Variants in TRIM2 observed in about 807,000 individuals in gnomAD.
The protein encoded by TRIM2 is tripartite motif-containing protein 2.
In TRIM2, 20 loss-of-function variants were observed where a neutral mutation model predicts 75.2. That is an observed-to-expected ratio of 0.27 (90% CI 0.19 to 0.39). The LOEUF is 0.39. TRIM2 is among the 10% of genes least tolerant of loss of function. TRIM2 has a pLI of 1.00. For missense variants in TRIM2, 660 were observed against 990.8 expected (o/e 0.67, Z 4.48); for synonymous variants, 373 against 388.3 (o/e 0.96, Z 0.46).
intron 9 of TRIM2, among the ~76,000 whole-genome samples, 153 bp downstream of exon 9, chr4:153,322,969 C>T (rs551467530): frequency 5.9e-5 from 9 of 152,280 alleles, no homozygotes; most frequent in African/African-American, 1.4e-4. Flanking sequence ...AAGCATGTTT[C>T]GTTGCTTGAG....
intron 1 of TRIM2, among the ~76,000 whole-genome samples, chr4:153,221,987 G>GAAA (rs1273775450): frequency 2.5e-4 from 26 of 102,286 alleles, no homozygotes; most frequent in African/African-American, 3.7e-4. Context: ...AGGAAGGAAG[G>GAAA]GAGAGAGGAA....
chr4:153,296,587 A>C (rs1274812268), intron 6 of TRIM2, among the ~76,000 whole-genome samples: 1 of 152,148 alleles, frequency 6.6e-6, no homozygotes, highest in African/African-American at 2.4e-5. Context: ...GAGCAGCCCC[A>C]AGGAGAGGAG....
chr4:153,195,627 C>T (rs905166670), intron 1 of TRIM2, among the ~76,000 whole-genome samples: 1 of 152,194 alleles, frequency 6.6e-6, no homozygotes, highest in Non-Finnish European at 1.5e-5. Context: ...GTTTTAAGCT[C>T]ATAGTAATAT....
upstream of TRIM2, chr4:153,152,418 A>ATATATATACACATATATATGTG (rs1163137372): frequency 6.8e-6 from 1 of 146,948 alleles, no homozygotes; most frequent in Non-Finnish European, 1.5e-5. Context: ...GTATATATAT[A>ATATATATACACATATATATGTG]TATATATATA....
In TRIM2 at chr4:153,338,931, G is replaced by A. The variant is rs1192786448; in HGVS notation, c.*3965G>A. The A allele has an allele frequency of 2.0e-6, 2 of 983,528 alleles. No individual in the cohort carries two copies. Among genetic ancestry groups the A allele is most frequent in the Admixed American group, 1.2e-4 (2 of 16,128 alleles). The allele number at this position is 983,528 out of a possible 1,614,324, so 60.9% of individuals were successfully genotyped here. On this transcript the variant is annotated 3_prime_UTR_variant, in exon 12 of 12. Coordinates refer to ENST00000338700, the MANE Select transcript of TRIM2 (RefSeq NM_015271.5). ...CGTTCTCAATTCTATAGACTTTCAA[G>A]CCTATGTATGAATATGAAGGGGTTT... is the stretch of plus-strand genomic sequence containing the variant.
intron 1 of TRIM2, among the ~76,000 whole-genome samples, chr4:153,175,569 G>T (rs1731349677): frequency 6.6e-6 from 1 of 152,188 alleles, no homozygotes; most frequent in African/African-American, 2.4e-5. Context: ...TGAATAGCAG[G>T]AGGAAGGCGG....
intron 1 of TRIM2, among the ~76,000 whole-genome samples, chr4:153,247,830 C>A (rs969631228): frequency 3.9e-5 from 6 of 151,964 alleles, no homozygotes; most frequent in Admixed American, 3.9e-4. Flanking sequence ...CCCAAAAAAA[C>A]CCCACAAATG....
intron 6 of TRIM2, among the ~76,000 whole-genome samples, chr4:153,309,013 T>C (rs182125094): frequency 3.2e-4 from 48 of 152,172 alleles, no homozygotes; most frequent in Admixed American, 1.0e-3. Flanking sequence ...GCAACTAATA[T>C]TGACTAAGTG....
chr4:153,245,042 CCT>C (rs1748753711), intron 1 of TRIM2, among the ~76,000 whole-genome samples: 1 of 152,120 alleles, frequency 6.6e-6, no homozygotes. Context: ...GGCTTGTGAC[CCT>C]CTGAGATGGT....
rs536792745 is a variant in TRIM2, at chr4:153,337,911, C to G, written c.*2945C>G. On this transcript the variant is annotated 3_prime_UTR_variant, in exon 12 of 12. Transcript: ENST00000338700. ...CTCCCAGTACAGACCCCCCAGCCCC[C>G]CTTGCTGGACATGGGGAGGCAGAGA... 4.1e-6 allele frequency: 4 copies of G among 985,770 alleles called. No individual in the cohort carries two copies. The highest frequency in any genetic ancestry group is 1.2e-6 in the Non-Finnish European group (1 of 829,908). 61.1% of individuals were successfully genotyped at this position (985,770 alleles called of 1,614,324 possible).
intron 1 of TRIM2, among the ~76,000 whole-genome samples, chr4:153,171,840 C>CTTTTTTTTTTTT (rs398064151): frequency 4.4e-5 from 5 of 114,784 alleles, no homozygotes; most frequent in Non-Finnish European, 5.3e-5. Flanking sequence ...CGTTTTGGGG[C>CTTTTTTTTTTTT]TTTTTTTTTT....
At chr4:153,322,191 C>G (rs1394742750) in intron 8 of TRIM2, among the ~76,000 whole-genome samples, 1 of 151,840 alleles carries the variant, frequency 6.6e-6, no homozygotes, top group Non-Finnish European at 1.5e-5. Context: ...GGGTGGATCA[C>G]AAGGTCAGGA....
intron 1 of TRIM2, among the ~76,000 whole-genome samples, chr4:153,155,740 T>C (rs927660530): frequency 1.3e-5 from 2 of 152,170 alleles, no homozygotes; most frequent in Admixed American, 1.3e-4. Flanking sequence ...TAAAAACTCC[T>C]CTGAACCTGG....
chr4:153,302,981 G>A (rs528469696), intron 6 of TRIM2, among the ~76,000 whole-genome samples: 3 of 152,220 alleles, frequency 2.0e-5, no homozygotes, highest in South Asian at 2.1e-4. Flanking sequence ...TCTCACCACC[G>A]TCATGCTCGT....
chr4:153,313,660 T>A (rs976042673), intron 6 of TRIM2, among the ~76,000 whole-genome samples: 9 of 134,024 alleles, frequency 6.7e-5, no homozygotes, highest in Middle Eastern at 8.3e-3. Context: ...TGAGACAGAG[T>A]CTTGCTCTGT....
chr4:153,205,351 C>A (rs932936456), intron 1 of TRIM2, among the ~76,000 whole-genome samples: 1 of 152,120 alleles, frequency 6.6e-6, no homozygotes, highest in African/African-American at 2.4e-5. Context: ...CCTGCTTTAT[C>A]TCTTGGCTGG....
chr4:153,213,307 T>C (rs73854604), intron 1 of TRIM2, among the ~76,000 whole-genome samples: 1,610 of 152,350 alleles, frequency 0.011, 13 homozygotes, highest in African/African-American at 0.029. Flanking sequence ...TTCTTTTGCA[T>C]GAATGTGCAA....
At chr4:153,317,155 C>T (rs1767837799) in intron 8 of TRIM2, among the ~76,000 whole-genome samples, 1 of 150,338 alleles carries the variant, frequency 6.7e-6, no homozygotes, top group South Asian at 2.1e-4. Context: ...GCTGGGATTA[C>T]AGGCGTGAGC....
chr4:153,209,560 A>G (rs573759477), intron 1 of TRIM2, among the ~76,000 whole-genome samples: 6 of 152,192 alleles, frequency 3.9e-5, no homozygotes, highest in Non-Finnish European at 7.3e-5. Flanking sequence ...CTGTGCCTTC[A>G]AGTACCGTAC....
Sources: gnomAD v4.1 joint callset for allele counts (sites outside exome capture counted in the v4.1 genomes callset) on GRCh38, gnomAD v4.1.1 for gene constraint, MANE v1.5 for transcripts, NCBI Gene and HGNC (gene_info 2026-07-23, HGNC 2026-07-21) for gene names.